Variants in SNAP29 observed in about 807,000 individuals in gnomAD.
SNAP29 encodes synaptosome associated protein 29.
In SNAP29, 13 loss-of-function variants were observed where a neutral mutation model predicts 27.9. The observed-to-expected ratio is 0.47, with a 90% CI of 0.30 to 0.74. SNAP29 has a LOEUF of 0.74. Among genes scored for constraint, SNAP29 ranks in the 30% least tolerant of loss-of-function variants. The probability of loss-of-function intolerance (pLI) is 0.06; values close to 1 mark genes in which losing one functional copy is unlikely to be tolerated. For synonymous variants in SNAP29, 119 were observed against 127.1 expected (o/e 0.94, Z 0.43); for missense variants, 368 against 336.5 (o/e 1.09, Z -0.73).
At chr22:20,872,809 A>G (rs1215544595) in intron 2 of SNAP29, among the ~76,000 whole-genome samples, 1 of 111,316 alleles carries the variant, frequency 9.0e-6, no homozygotes, top group Non-Finnish European at 1.8e-5. Context: ...GTGCCGAGCC[A>G]CCACGCCAGG....
chr22:20,862,229 C>T (rs1281566740), intron 1 of SNAP29, among the ~76,000 whole-genome samples: 5 of 152,064 alleles, frequency 3.3e-5, no homozygotes, highest in Non-Finnish European at 7.4e-5. Flanking sequence ...ATCTCAAGCC[C>T]AAGGAATTCA....
At chr22:20,881,015 A>T in intron 2 of SNAP29, 34 bp from the exon 3 acceptor site, 1 of 1,419,404 alleles carries the variant, frequency 7.0e-7, no homozygotes, top group Non-Finnish European at 1.0e-6. Context: ...TTTCCTTTTT[A>T]AACGTTTTCT....
chr22:20,872,820 CT>C (rs361677), intron 2 of SNAP29, among the ~76,000 whole-genome samples: 141 of 39,854 alleles, frequency 3.5e-3, no homozygotes, highest in African/African-American at 0.01. Context: ...CCACGCCAGG[CT>C]TTTTTTTTTT....
At chr22:20,885,650 T>A (rs546695536) in intron 4 of SNAP29, among the ~76,000 whole-genome samples, 1 of 152,268 alleles carries the variant, frequency 6.6e-6, no homozygotes, top group African/African-American at 2.4e-5. Context: ...GAAGAAGTGC[T>A]GAGTACTGCC....
chr22:20,886,912 C>A (rs1929029388), intron 4 of SNAP29, among the ~76,000 whole-genome samples: 1 of 151,786 alleles, frequency 6.6e-6, no homozygotes, highest in African/African-American at 2.4e-5. Context: ...TGTACCCGGC[C>A]AAAACTACCT....
Position 20,870,498 on chromosome 22 carries a change from A to G in SNAP29, c.399A>G (p.Glu133=), listed in dbSNP as rs1343262495. ...FKSKPVETPP[E]QNGTLTSQPN... ...CCAAACCAGTAGAGACCCCACCTGA[A>G]CAGAATGGCACCCTCACCTCCCAGC... Residue 133 remains glutamate (E), a synonymous_variant, in exon 2 of 5, where the codon GAA becomes GAG. Transcript: ENST00000215730. 3 of 1,614,190 alleles carry G rather than the reference A, an allele frequency of 1.9e-6. No individual in the cohort carries two copies. The highest frequency in any genetic ancestry group is 1.7e-6 in the Non-Finnish European group (2 of 1,180,020).
At chr22:20,874,352 CACACACACACACACACACA>C (rs1928683239) in intron 2 of SNAP29, among the ~76,000 whole-genome samples, 4 of 53,670 alleles carry the variant, frequency 7.5e-5, no homozygotes, top group East Asian at 1.9e-3. Flanking sequence ...AAATTAGCCA[CACACACACACACACACACA>C]CACACACACA....
chr22:20,860,933 A>G (rs528179700), intron 1 of SNAP29, among the ~76,000 whole-genome samples: 39 of 151,442 alleles, frequency 2.6e-4, no homozygotes, highest in Non-Finnish European at 4.9e-4. Flanking sequence ...GCTACTGAGG[A>G]GGCTGAGGCA....
At chr22:20,867,867 G>T (rs1253485766) in intron 1 of SNAP29, among the ~76,000 whole-genome samples, 1 of 152,182 alleles carries the variant, frequency 6.6e-6, no homozygotes, top group Non-Finnish European at 1.5e-5. Flanking sequence ...GTGGGAGGGT[G>T]AGTGGTCGTG....
chr22:20,862,878 T>C (rs1277281754), intron 1 of SNAP29, among the ~76,000 whole-genome samples: 1 of 151,820 alleles, frequency 6.6e-6, no homozygotes, highest in African/African-American at 2.4e-5. Flanking sequence ...GTCTTTGTTT[T>C]TGTGTTTTGT....
At chr22:20,876,568 CT>C (rs144163820) in intron 2 of SNAP29, among the ~76,000 whole-genome samples, 3,818 of 116,970 alleles carry the variant, frequency 0.033, 30 homozygotes, top group Middle Eastern at 0.069. Flanking sequence ...CACTTAAAAG[CT>C]TTTTTTTTTT....
intron 1 of SNAP29, among the ~76,000 whole-genome samples, chr22:20,860,667 G>A (rs375832329): frequency 2.3e-4 from 35 of 152,088 alleles, no homozygotes; most frequent in African/African-American, 7.5e-4. Context: ...CACCATACCG[G>A]TCGAGAATGA....
intron 2 of SNAP29, among the ~76,000 whole-genome samples, chr22:20,873,607 G>A (rs1431606269): frequency 6.6e-6 from 1 of 152,144 alleles, no homozygotes; most frequent in Non-Finnish European, 1.5e-5. Context: ...CAATTTGGGA[G>A]ACTGAGGCAG....
At chr22:20,874,308 A>T in intron 2 of SNAP29, among the ~76,000 whole-genome samples, 1 of 138,086 alleles carries the variant, frequency 7.2e-6, no homozygotes, top group Admixed American at 7.2e-5. Flanking sequence ...ACACACACAG[A>T]CACACACAGA....
rs575935153 is a variant in SNAP29 at position 20,887,634 on chromosome 22, C to T, written c.620-45C>T. The T allele has an allele frequency of 3.5e-5, 57 of 1,610,744 alleles. 1 individual carries two copies. In the East Asian group the frequency reaches 6.9e-4, roughly 20 times the overall value. On this transcript the variant is annotated intron_variant, in intron 4 of 4. Coordinates refer to ENST00000215730, the MANE Select transcript of SNAP29 (RefSeq NM_004782.4). ...ACCATCAAGAAGCATTTGCAGGTGC[C>T]GTGACTGTTTGCTCATGCCTGCGTG...
chr22:20,871,814 G>A (rs1279231243), intron 2 of SNAP29, among the ~76,000 whole-genome samples: 1 of 152,106 alleles, frequency 6.6e-6, no homozygotes, highest in African/African-American at 2.4e-5. Context: ...CCCGGGAGGT[G>A]GAGCTTGCAG....
rs912475040 is a variant in SNAP29 at position 20,883,381 on chromosome 22, A to G, written c.521-90A>G. The stretch of plus-strand genomic sequence containing the variant: ...ACCAACCCCTTCGTTCCTTCCACCC[A>G]TTTTCCAGATGAAATTGTTTTGGGT... On this transcript the variant is annotated intron_variant, in intron 3 of 4. Coordinates refer to ENST00000215730, the MANE Select transcript of SNAP29 (RefSeq NM_004782.4). 4.5e-6 allele frequency: 4 copies of G among 891,514 alleles called. No individual in the cohort carries two copies. The Admixed American group carries it at 5.2e-5, about 12-fold the overall frequency. The allele number at this position is 891,514 out of a possible 1,614,324, so 55.2% of individuals were successfully genotyped here.
chr22:20,876,693 A>G lies in SNAP29; in HGVS notation c.435-4356A>G, dbSNP rs559353124. Among the ~76,000 whole-genome samples the G allele has an allele frequency of 5.3e-5, 8 of 149,904 alleles. No homozygotes were observed. The South Asian group carries it at 1.7e-3, about 32-fold the overall frequency. ...CGCCATTCTCCTGCCTCAGCTTCCCAAGCAGCTGGGACTACAGGCACCCGC... is the reference window on the plus strand; with the variant it reads ...CGCCATTCTCCTGCCTCAGCTTCCCGAGCAGCTGGGACTACAGGCACCCGC... On this transcript the variant is annotated intron_variant, in intron 2 of 4. Transcript: ENST00000215730.
chr22:20,880,525 G>A (rs574917083), intron 2 of SNAP29, among the ~76,000 whole-genome samples: 3 of 151,640 alleles, frequency 2.0e-5, no homozygotes, highest in Admixed American at 1.3e-4. Flanking sequence ...AAAAAAGAAC[G>A]GGGAAACAGT....
Sources: gnomAD v4.1 joint callset for allele counts (sites outside exome capture counted in the v4.1 genomes callset) on GRCh38, gnomAD v4.1.1 for gene constraint, MANE v1.5 for transcripts, NCBI Gene and HGNC (gene_info 2026-07-23, HGNC 2026-07-21) for gene names.